The following STARD4 variants were observed in gnomAD, a reference collection of about 807,000 sequenced individuals.
The protein encoded by STARD4 is StAR related lipid transfer domain containing 4.
In STARD4, 33 loss-of-function variants were observed where a neutral mutation model predicts 24.9. The observed-to-expected ratio is 1.32, with a 90% confidence interval of 1.00 to 1.77. The LOEUF (loss-of-function observed/expected upper bound fraction) is 1.77, where lower values mean the gene tolerates loss of function less well. STARD4 is among the 40% of genes most tolerant of loss of function. The pLI is 0.00. For synonymous variants in STARD4, 88 were observed against 77.4 expected, an observed-to-expected ratio of 1.14 and a Z score of -0.72; for missense variants, 238 against 249.3, an observed-to-expected ratio of 0.95 and a Z score of 0.31.
Position 111,499,697 on chromosome 5 carries a change from A to T in STARD4, c.*189T>A. 1.7e-6 allele frequency: 1 copy of T among 595,902 alleles called. No individual in the cohort carries two copies. Among genetic ancestry groups the T allele is most frequent in the Non-Finnish European group, 2.9e-6 (1 of 344,208 alleles). The allele number at this position is 595,902 out of a possible 1,614,324, so 36.9% of individuals were successfully genotyped here. ...GAGCCTGTCTCAAAATTTAAAAAAA[A>T]AAAAGTGAAAATGCCCTCTCTTAGA... On this transcript the variant is annotated 3_prime_UTR_variant, in exon 6 of 6. Transcript: ENST00000296632.
chr5:111,502,145 C>T, intron 3 of STARD4, 57 bp from the exon 4 acceptor site: 1 of 1,568,806 alleles, frequency 6.4e-7, no homozygotes, highest in South Asian at 1.2e-5. Flanking sequence ...TCAGCATACC[C>T]TTATAGTGCA....
At chr5:111,500,830 A>G (rs1444581728) in intron 5 of STARD4, 172 bp downstream of exon 5, 6 of 1,508,716 alleles carry the variant, frequency 4.0e-6, no homozygotes, top group East Asian at 4.9e-5. Context: ...AAGGGTTTCA[A>G]AACTCTTTTG....
chr5:111,499,652 C>T lies in STARD4; in HGVS notation c.*234G>A. On this transcript the variant is annotated 3_prime_UTR_variant, in exon 6 of 6. Transcript: ENST00000296632. ...GAGCTGTGATCATACCACTGCCCTC[C>T]AGCATGGGCAACAGAGTGAGAGCCT... 2.0e-6 allele frequency: 1 copy of T among 507,958 alleles called. No individual in the cohort carries two copies. Among genetic ancestry groups the T allele is most frequent in the Non-Finnish European group, 3.5e-6 (1 of 283,744 alleles). 31.5% of individuals were successfully genotyped at this position (507,958 alleles called of 1,614,324 possible).
chr5:111,511,836 TG>T (rs960489731), intron 1 of STARD4, among the ~76,000 whole-genome samples: 30 of 152,224 alleles, frequency 2.0e-4, no homozygotes, highest in African/African-American at 7.0e-4. Context: ...GGGAAAACAA[TG>T]ACACTGATTT....
chr5:111,504,842 G>A (rs964803020), intron 3 of STARD4, among the ~76,000 whole-genome samples: 1 of 152,058 alleles, frequency 6.6e-6, no homozygotes, highest in Non-Finnish European at 1.5e-5. Flanking sequence ...TTATCAGGAC[G>A]ATTTCCTAAA....
rs1756289750 is a variant in STARD4, at chr5:111,499,798, T to C, written c.*88A>G. 1 of 1,239,228 alleles carries C rather than the reference T, an allele frequency of 8.1e-7. No individual in the cohort carries two copies. 76.8% of individuals were successfully genotyped at this position (1,239,228 alleles called of 1,614,324 possible). A position where few individuals can be genotyped will look rare whatever the true frequency, so the allele number is the denominator to read the frequency against. ...ACATTTCAAATTTTTCTACCGGCTA[T>C]GCAGAAAAGTGGAATCAATGATTTT... is the stretch of plus-strand genomic sequence containing the variant. On this transcript the variant is annotated 3_prime_UTR_variant, in exon 6 of 6. Coordinates refer to ENST00000296632, the MANE Select transcript of STARD4 (RefSeq NM_139164.3).
chr5:111,503,571 G>A (rs1580852405), intron 3 of STARD4, among the ~76,000 whole-genome samples: 1 of 152,316 alleles, frequency 6.6e-6, no homozygotes, highest in South Asian at 2.1e-4. Context: ...GGAAGCTGCA[G>A]TGAGCTGAGA....
At chr5:111,503,218 C>T (rs1391853481) in intron 3 of STARD4, among the ~76,000 whole-genome samples, 5 of 152,146 alleles carry the variant, frequency 3.3e-5, no homozygotes, top group Non-Finnish European at 7.4e-5. Flanking sequence ...GAAAAATGTA[C>T]AATTCCATAA....
At position 111,499,953 on chromosome 5, in the gene STARD4, G is replaced by A. The variant is rs768105330; in HGVS notation, c.551C>T (p.Ser184Phe). 7 of 1,614,082 alleles carry A rather than the reference G, an allele frequency of 4.3e-6. No homozygotes were observed. In the Admixed American group the frequency reaches 1.2e-4, roughly 27 times the overall value. ...QTDLRGMIPQ[S>F]AVDTAMASTL... ...GCTTGCCATGGCTGTATCTACCGCA[G>A]ACTGAGGAATCATCCCACGCAGATC... Residue 184 changes from serine to phenylalanine, a missense_variant, in exon 6 of 6, where the codon TCT (serine) becomes TTT (phenylalanine). Ser to Phe is a radical substitution (Grantham distance 155). Transcript: ENST00000296632.
intron 3 of STARD4, among the ~76,000 whole-genome samples, chr5:111,503,585 C>A (rs1016455719): frequency 6.6e-6 from 1 of 152,036 alleles, no homozygotes; most frequent in African/African-American, 2.4e-5. Context: ...GCTGAGATTG[C>A]GTCACTGCAC....
chr5:111,508,806 C>G (rs916718789), intron 1 of STARD4, among the ~76,000 whole-genome samples: 7 of 152,020 alleles, frequency 4.6e-5, no homozygotes, highest in African/African-American at 1.7e-4. Flanking sequence ...ATTCTGTTGT[C>G]TAGCCAGAGA....
At chr5:111,502,456 G>A (rs1756530789) in intron 3 of STARD4, among the ~76,000 whole-genome samples, 1 of 149,790 alleles carries the variant, frequency 6.7e-6, no homozygotes, top group African/African-American at 2.5e-5. Context: ...GTGACGGAGT[G>A]AGATTCCATC....
At chr5:111,509,685 C>A (rs1401915875) in intron 1 of STARD4, among the ~76,000 whole-genome samples, 1 of 152,088 alleles carries the variant, frequency 6.6e-6, no homozygotes, top group South Asian at 2.1e-4. Context: ...AATATTAATT[C>A]TCCTTACGTC....
chr5:111,509,300 T>C (rs1757080055), intron 1 of STARD4, among the ~76,000 whole-genome samples: 3 of 152,120 alleles, frequency 2.0e-5, no homozygotes, highest in Admixed American at 2.0e-4. Flanking sequence ...AACTTTTTGA[T>C]AGAAATCAAA....
At chr5:111,504,292 C>G (rs1756682345) in intron 3 of STARD4, among the ~76,000 whole-genome samples, 1 of 151,950 alleles carries the variant, frequency 6.6e-6, no homozygotes, top group African/African-American at 2.4e-5. Context: ...AATCTACAAA[C>G]ATAGATAAAA....
intron 5 of STARD4, chr5:111,500,469 G>A (rs1756355301): frequency 1.9e-6 from 2 of 1,048,244 alleles, no homozygotes; most frequent in South Asian, 8.1e-5. Flanking sequence ...GTTTGGTACT[G>A]GCTAGTTAAG....
chr5:111,506,524 C>A, intron 2 of STARD4, 145 bp from the exon 3 acceptor site: 1 of 405,840 alleles, frequency 2.5e-6, no homozygotes, highest in South Asian at 5.9e-5. Context: ...TCATCTATAC[C>A]ATAAAAGGAT....
chr5:111,500,421 G>GT, intron 5 of STARD4: 4 of 1,086,188 alleles, frequency 3.7e-6, no homozygotes, highest in Non-Finnish European at 4.5e-6. Context: ...CAAATCCATG[G>GT]TACCGTAACT....
intron 4 of STARD4, among the ~76,000 whole-genome samples, chr5:111,501,413 G>C (rs908698134): frequency 3.9e-5 from 6 of 152,306 alleles, no homozygotes; most frequent in Admixed American, 6.5e-5. Context: ...TAGGGATGTA[G>C]ACTGTTTCAG....
Sources: allele counts gnomAD v4.1 joint callset (sites outside exome capture counted in the v4.1 genomes callset), GRCh38; gene constraint gnomAD v4.1.1; transcripts MANE v1.5; gene names NCBI Gene and HGNC (gene_info 2026-07-23, HGNC 2026-07-21).